CABLES1: variants seen among roughly 807,000 people sequenced by gnomAD.
The protein encoded by CABLES1 is CDK5 and ABL1 enzyme substrate 1.
Under a neutral mutation model 57.8 loss-of-function variants are expected in CABLES1, and 36 were observed. That is an observed-to-expected ratio of 0.62 (90% CI 0.48 to 0.82). The LOEUF is 0.82. Among genes scored for constraint, CABLES1 ranks in the 40% least tolerant of loss-of-function variants. The pLI is 0.00. For missense variants in CABLES1, 767 were observed against 836.6 expected, an observed-to-expected ratio of 0.92 and a Z score of 1.03; for synonymous variants, 374 against 363.0, an observed-to-expected ratio of 1.03 and a Z score of -0.35.
At chr18:23,164,825 G>A (rs2047030327) in intron 1 of CABLES1, among the ~76,000 whole-genome samples, 1 of 152,068 alleles carries the variant, frequency 6.6e-6, no homozygotes, top group African/African-American at 2.4e-5. Context: ...AGGCTGAAGT[G>A]CAGTGGCATG....
chr18:23,164,853 C>A (rs1351213961), intron 1 of CABLES1, among the ~76,000 whole-genome samples: 1 of 152,124 alleles, frequency 6.6e-6, no homozygotes, highest in Non-Finnish European at 1.5e-5. Flanking sequence ...CTCACTGCAA[C>A]CTCTGCCTCC....
At chr18:23,247,158 A>G (rs972418668) in intron 7 of CABLES1, among the ~76,000 whole-genome samples, 1 of 152,204 alleles carries the variant, frequency 6.6e-6, no homozygotes, top group African/African-American at 2.4e-5. Flanking sequence ...CCCCAGCACT[A>G]AAGAGAGGAT....
intron 3 of CABLES1, among the ~76,000 whole-genome samples, chr18:23,207,364 G>A (rs1447298794): frequency 6.6e-6 from 1 of 152,156 alleles, no homozygotes; most frequent in African/African-American, 2.4e-5. Flanking sequence ...CCTTGAATAG[G>A]CTGAATGCTC....
Position 23,136,234 on chromosome 18 carries a change from T to C in CABLES1, c.472T>C (p.Ser158Pro). 1 of 1,280,876 alleles carries C rather than the reference T, an allele frequency of 7.8e-7. No individual in the cohort carries two copies. Among genetic ancestry groups the C allele is most frequent in the Admixed American group, 4.3e-5 (1 of 23,460 alleles). The allele number at this position is 1,280,876 out of a possible 1,614,324, so 79.3% of individuals were successfully genotyped here. ...PLIPGGHATV[S>P]GPGVARGFAS... ...GATTCCTGGCGGCCATGCGACCGTG[T>C]CCGGCCCCGGGGTGGCGCGGGGGTT... Residue 158 changes from serine (S) to proline (P), a missense_variant, in exon 1 of 10, where the codon TCC (serine) becomes CCC (proline). Ser to Pro is a moderately conservative substitution (Grantham distance 74, BLOSUM62 -1). Transcript: ENST00000256925.
At chr18:23,245,605 A>G (rs918055190) in intron 7 of CABLES1, among the ~76,000 whole-genome samples, 2 of 151,698 alleles carry the variant, frequency 1.3e-5, no homozygotes, top group East Asian at 1.9e-4. Context: ...TTTTCCTGTT[A>G]TCTCAGAAGG....
intron 3 of CABLES1, among the ~76,000 whole-genome samples, chr18:23,202,757 C>T (rs1046206404): frequency 2.0e-5 from 3 of 152,000 alleles, no homozygotes; most frequent in Non-Finnish European, 2.9e-5. Flanking sequence ...GAGACTGAGG[C>T]AGGCAGATCA....
intron 1 of CABLES1, among the ~76,000 whole-genome samples, chr18:23,187,382 A>C (rs1374340738): frequency 6.6e-6 from 1 of 152,152 alleles, no homozygotes; most frequent in African/African-American, 2.4e-5. Context: ...AGAGACAAGG[A>C]GGCTGTATGA....
chr18:23,183,996 G>A (rs1024857370), intron 1 of CABLES1, among the ~76,000 whole-genome samples: 14 of 152,072 alleles, frequency 9.2e-5, no homozygotes, highest in Admixed American at 5.2e-4. Flanking sequence ...AGAGATGAGC[G>A]CTGCTGAGTG....
intron 1 of CABLES1, among the ~76,000 whole-genome samples, chr18:23,150,334 G>A (rs1420372565): frequency 4.1e-5 from 6 of 147,350 alleles, no homozygotes; most frequent in African/African-American, 1.3e-4. Context: ...TCAGCCTCCC[G>A]AGTAGCTGGG....
Position 23,214,031 on chromosome 18 carries a change from G to T in CABLES1, c.1065G>T (p.Pro355=), listed in dbSNP as rs2304301. Residue 355 remains proline (P), a synonymous_variant, in exon 4 of 10, where the codon CCG becomes CCT. Coordinates refer to ENST00000256925, the MANE Select transcript of CABLES1 (RefSeq NM_001100619.3). ...RSFCSIFSVL[P]YRDSTQVGDL... ...TCTGTAGTATATTTTCAGTGCTGCC[G>T]TATCGCGACAGTACCCAAGTCGGGT... 1.2e-6 allele frequency: 2 copies of T among 1,612,586 alleles called. No individual in the cohort carries two copies. Among genetic ancestry groups the T allele is most frequent in the Non-Finnish European group, 1.7e-6 (2 of 1,179,088 alleles).
chr18:23,240,768 G>A (rs2047716880), intron 7 of CABLES1, among the ~76,000 whole-genome samples: 1 of 152,332 alleles, frequency 6.6e-6, no homozygotes, highest in East Asian at 1.9e-4. Flanking sequence ...GCGCCCACCT[G>A]AAATCCTGGG....
At chr18:23,248,085 T>C (rs568413916) in intron 7 of CABLES1, among the ~76,000 whole-genome samples, 4 of 152,054 alleles carry the variant, frequency 2.6e-5, no homozygotes, top group African/African-American at 7.2e-5. Flanking sequence ...CGGGCCAGAG[T>C]GGGCCTGGCG....
Position 23,234,498 on chromosome 18 carries a change from A to G in CABLES1, c.1089-110A>G, listed in dbSNP as rs1414248401. On this transcript the variant is annotated intron_variant, in intron 4 of 9. Coordinates refer to ENST00000256925, the MANE Select transcript of CABLES1 (RefSeq NM_001100619.3). ...ACGGGCTGTCCCATCACCAGGGCTC[A>G]CCTGGTCATTTTCATCGGTGTGACT... 3 of 810,430 alleles carry G rather than the reference A, an allele frequency of 3.7e-6. No homozygotes were observed. In the African/African-American group the frequency reaches 5.1e-5, roughly 14 times the overall value. The allele number at this position is 810,430 out of a possible 1,614,324, so 50.2% of individuals were successfully genotyped here.
chr18:23,226,489 C>A (rs182622140), intron 4 of CABLES1, among the ~76,000 whole-genome samples: 1 of 151,944 alleles, frequency 6.6e-6, no homozygotes, highest in African/African-American at 2.4e-5. Flanking sequence ...TTTTTACCCT[C>A]ATACACCCTC....
At chr18:23,247,733 C>G (rs2047932781) in intron 7 of CABLES1, among the ~76,000 whole-genome samples, 1 of 152,218 alleles carries the variant, frequency 6.6e-6, no homozygotes, top group Non-Finnish European at 1.5e-5. Flanking sequence ...TGAGCCGCAG[C>G]TCAGAGAAGC....
chr18:23,136,125 G>A lies in CABLES1; in HGVS notation c.363G>A (p.Ala121=), dbSNP rs1235052240. The change falls in exon 1 of 10, where the codon GCG becomes GCA. Residue 121 remains alanine, a synonymous_variant. Coordinates refer to ENST00000256925, the MANE Select transcript of CABLES1 (RefSeq NM_001100619.3). ...LAAAERGGCI[A]LAAPGTPAAG... ...CTGCCGAGCGGGGCGGCTGCATCGC[G>A]CTCGCCGCGCCGGGCACGCCGGCTG... 1 of 1,195,162 alleles carries A rather than the reference G, an allele frequency of 8.4e-7. No individual in the cohort carries two copies. The highest frequency in any genetic ancestry group is 1.0e-6 in the Non-Finnish European group (1 of 964,644). The allele number at this position is 1,195,162 out of a possible 1,614,324, so 74.0% of individuals were successfully genotyped here. A position where few individuals can be genotyped will look rare whatever the true frequency, so the allele number is the denominator to read the frequency against.
At chr18:23,242,259 C>T (rs1003093523) in intron 7 of CABLES1, among the ~76,000 whole-genome samples, 2 of 152,086 alleles carry the variant, frequency 1.3e-5, no homozygotes, top group Non-Finnish European at 1.5e-5. Flanking sequence ...GCCTGGGTGA[C>T]GAGAATGAAA....
rs922725862 is a variant in CABLES1, at chr18:23,194,554, A to C, written c.1010+14A>C. On this transcript the variant is annotated intron_variant, in intron 3 of 9. Transcript: ENST00000256925. ...CAGGAATGGCAGGTACTACATTCAC[A>C]CAGAAGCGGCTGCCAGCACCAGTGG... is the stretch of plus-strand genomic sequence containing the variant. The C allele has an allele frequency of 6.4e-7, 1 of 1,567,048 alleles. No homozygotes were observed. The highest frequency in any genetic ancestry group is 2.2e-5 in the East Asian group (1 of 44,656).
intron 3 of CABLES1, among the ~76,000 whole-genome samples, chr18:23,196,454 A>C (rs2047283493): frequency 6.6e-6 from 1 of 152,176 alleles, no homozygotes; most frequent in Non-Finnish European, 1.5e-5. Flanking sequence ...AGACAGATGA[A>C]AGTGAGAGCC....
Sources: gnomAD v4.1 joint callset for allele counts (sites outside exome capture counted in the v4.1 genomes callset) on GRCh38, gnomAD v4.1.1 for gene constraint, MANE v1.5 for transcripts, NCBI Gene and HGNC (gene_info 2026-07-23, HGNC 2026-07-21) for gene names.